TLCD3B: variants seen among roughly 807,000 people sequenced by gnomAD.
TLCD3B encodes TLC domain containing 3B, also known as ceramide synthase.
In TLCD3B, 9 loss-of-function variants were observed where a neutral mutation model predicts 23.0. The ratio of observed to expected loss-of-function variants is 0.39; its 90% CI spans 0.24 to 0.68. The LOEUF (loss-of-function observed/expected upper bound fraction) is 0.68, where lower values mean the gene tolerates loss of function less well. Ranked by LOEUF, TLCD3B falls within the 30% of genes least tolerant of loss-of-function variation. The pLI is 0.44. For synonymous variants in TLCD3B, 161 were observed against 161.0 expected, an observed-to-expected ratio of 1.00 and a Z score of 0.00; for missense variants, 307 against 371.8, an observed-to-expected ratio of 0.83 and a Z score of 1.43.
intron 1 of TLCD3B, among the ~76,000 whole-genome samples, chr16:30,050,074 C>T (rs551840114): frequency 2.0e-5 from 3 of 152,322 alleles, no homozygotes; most frequent in South Asian, 2.1e-4. Context: ...AGGAACAAAA[C>T]ACCAGCACCA....
At chr16:30,051,253 G>A (rs1485540145) in intron 1 of TLCD3B, among the ~76,000 whole-genome samples, 1 of 151,952 alleles carries the variant, frequency 6.6e-6, no homozygotes, top group East Asian at 1.9e-4. Context: ...AAAAAAACAG[G>A]CCAGGCGCAG....
At chr16:30,028,350 G>A (rs2071236878) in intron 2 of TLCD3B, among the ~76,000 whole-genome samples, 1 of 152,132 alleles carries the variant, frequency 6.6e-6, no homozygotes, top group African/African-American at 2.4e-5. Flanking sequence ...GATTAAAGCA[G>A]GGAAGACGGA....
Position 30,036,501 on chromosome 16 carries a change from C to A in TLCD3B, c.-66-287G>T, listed in dbSNP as rs1034602235. 5.4e-5 allele frequency: 57 copies of A among 1,050,810 alleles called. 2 individuals carry two copies. The South Asian group carries it at 8.8e-4, about 16-fold the overall frequency. The allele number at this position is 1,050,810 out of a possible 1,614,324, so 65.1% of individuals were successfully genotyped here. A position where few individuals can be genotyped will look rare whatever the true frequency, so the allele number is the denominator to read the frequency against. On this transcript the variant is annotated intron_variant, in intron 3 of 6. Coordinates refer to the TLCD3B transcript ENST00000561666. ...CTTCCTGAAGTGTCTTCCAAGGGACCTTCTCGGGATAAAAGGAAGGTGTCA... is the reference window on the plus strand; with the variant it reads ...CTTCCTGAAGTGTCTTCCAAGGGACATTCTCGGGATAAAAGGAAGGTGTCA...
chr16:30,031,414 G>A (rs2071357243), upstream of TLCD3B, among the ~76,000 whole-genome samples: 1 of 152,236 alleles, frequency 6.6e-6, no homozygotes, highest in Non-Finnish European at 1.5e-5. Context: ...GGGAGGAAGG[G>A]GGCCCAGGGC....
chr16:30,036,562 T>A (rs138124210), intron 3 of TLCD3B: 3 of 463,546 alleles, frequency 6.5e-6, no homozygotes, highest in African/African-American at 6.2e-5. Context: ...GTAGAGGCAG[T>A]TGGGGAGGGC....
At chr16:30,040,723 A>G (rs1205257300) in intron 3 of TLCD3B, among the ~76,000 whole-genome samples, 1 of 151,634 alleles carries the variant, frequency 6.6e-6, no homozygotes, top group Non-Finnish European at 1.5e-5. Context: ...TGACACAATC[A>G]CAGCTCACTG....
Position 30,025,878 on chromosome 16 carries a change from C to A in TLCD3B, c.445-57G>T, listed in dbSNP as rs2071107447. The A allele has an allele frequency of 7.3e-7, 1 of 1,364,948 alleles. No individual in the cohort carries two copies. The highest frequency in any genetic ancestry group is 1.0e-6 in the Non-Finnish European group (1 of 961,664). 84.6% of individuals were successfully genotyped at this position (1,364,948 alleles called of 1,614,324 possible). ...GGGCTCTCCCTGGGTTCTTGGGCAG[C>A]CCCCGCCCTTCCTCTTTCCCCTCTG... On this transcript the variant is annotated intron_variant, in intron 3 of 4. Transcript: ENST00000380495. The surrounding 1 kb of genome is among the most constrained non-coding windows in gnomAD (Gnocchi z 4.1).
intron 1 of TLCD3B, among the ~76,000 whole-genome samples, chr16:30,051,521 CAAAAA>C (rs199594296): frequency 1.1e-4 from 7 of 62,854 alleles, no homozygotes; most frequent in African/African-American, 2.4e-4. Flanking sequence ...AACTCCGTTT[CAAAAA>C]AAAAAAAAAA....
Position 30,047,646 on chromosome 16 carries a change from C to CT in TLCD3B, c.-293-1260dup, listed in dbSNP as rs568617306. 3.3e-5 allele frequency among the ~76,000 whole-genome samples: 5 copies of CT among 151,510 alleles called. No individual in the cohort carries two copies. In the South Asian group the frequency reaches 1.0e-3, roughly 32 times the overall value. ...CTAATTTTTGTATTTTTTGTAGAGA[C>CT]TGGGTATTCATCATGTTGGCCAGGC... On this transcript the variant is annotated intron_variant, in intron 1 of 6. Coordinates refer to the TLCD3B transcript ENST00000561666.
At chr16:30,045,092 CAAAAAAAAA>C (rs1162281544) in intron 2 of TLCD3B, among the ~76,000 whole-genome samples, 7 of 22,228 alleles carry the variant, frequency 3.1e-4, no homozygotes, top group South Asian at 2.7e-3. Context: ...GACTCCATCT[CAAAAAAAAA>C]AAAAAAAAAA....
intron 2 of TLCD3B, chr16:30,027,520 T>C: frequency 2.2e-6 from 1 of 452,444 alleles, no homozygotes; most frequent in Non-Finnish European, 4.5e-6. Context: ...ACAGACCCTG[T>C]TGGCAAGTGA....
At chr16:30,052,632 G>A (rs866983691) in intron 1 of TLCD3B, 1 of 152,140 alleles carries the variant, frequency 6.6e-6, no homozygotes, top group Middle Eastern at 3.4e-3. Flanking sequence ...GGGAGGCGGA[G>A]GTTGCAGTGA....
intron 2 of TLCD3B, among the ~76,000 whole-genome samples, chr16:30,043,107 A>G (rs1461826231): frequency 6.6e-6 from 1 of 152,164 alleles, no homozygotes; most frequent in Non-Finnish European, 1.5e-5. Context: ...TCCAAAAGAA[A>G]AAAAAAGCAA....
rs1458310011 is a variant in TLCD3B, at chr16:30,025,027, GT to G, written c.*155del. 1.2e-5 allele frequency: 7 copies of G among 568,210 alleles called. No individual in the cohort carries two copies. Among genetic ancestry groups the G allele is most frequent in the Non-Finnish European group, 2.1e-5 (7 of 332,082 alleles). 35.2% of individuals were successfully genotyped at this position (568,210 alleles called of 1,614,324 possible). A position where few individuals can be genotyped will look rare whatever the true frequency, so the allele number is the denominator to read the frequency against. Reference sequence around the variant, plus strand: ...GAGGTCCCCTCTCTCCACCCCCTCAGTCCCCGAGAGATGGGGCCTCTTCCCT... The same window carrying G: ...GAGGTCCCCTCTCTCCACCCCCTCAGCCCCGAGAGATGGGGCCTCTTCCCT... On this transcript the variant is annotated 3_prime_UTR_variant, in exon 5 of 5. Coordinates refer to ENST00000380495, the MANE Select transcript of TLCD3B (RefSeq NM_031478.6). The surrounding 1 kb of genome is among the most constrained non-coding windows in gnomAD (Gnocchi z 4.1).
At chr16:30,032,601 T>G (rs553891622), upstream of TLCD3B, 3 of 151,446 alleles carry the variant, frequency 2.0e-5, no homozygotes, top group African/African-American at 4.8e-5. Context: ...TTACTTGGTA[T>G]CCCTGTTTTA....
At chr16:30,049,417 C>T (rs1459388170) in intron 1 of TLCD3B, among the ~76,000 whole-genome samples, 2 of 152,156 alleles carry the variant, frequency 1.3e-5, no homozygotes, top group African/African-American at 2.4e-5. Flanking sequence ...CTTCTTTCAT[C>T]TTCTGGGAAC....
chr16:30,052,102 C>T (rs976876745), intron 1 of TLCD3B, among the ~76,000 whole-genome samples: 2 of 152,136 alleles, frequency 1.3e-5, no homozygotes, highest in African/African-American at 2.4e-5. Flanking sequence ...CACAGTGGCT[C>T]ATGCCAGTAA....
In TLCD3B at chr16:30,025,753, G is replaced by A. The variant is rs760533030; in HGVS notation, c.513C>T (p.Phe171=). The stretch of plus-strand genomic sequence containing the variant: ...GGATGAGGATCTTGCCAAGGCAGAC[G>A]AAGGGCGTGCTGACCTCTGCCATCA... ...CMLMAEVSTP[F]VCLGKILIQY... is the part of the protein sequence containing the mutation. The change falls in exon 4 of 5, where the codon TTC becomes TTT. Residue 171 remains phenylalanine, a synonymous_variant. Transcript: ENST00000380495. The surrounding 1 kb of genome is among the most constrained non-coding windows in gnomAD (Gnocchi z 4.1). 3 of 1,614,144 alleles carry A rather than the reference G, an allele frequency of 1.9e-6. No individual in the cohort carries two copies. Among genetic ancestry groups the A allele is most frequent in the Non-Finnish European group, 2.5e-6 (3 of 1,180,018 alleles).
chr16:30,033,389 G>T (rs1327491931), upstream of TLCD3B: 2 of 152,244 alleles, frequency 1.3e-5, no homozygotes, highest in African/African-American at 4.8e-5. Context: ...TACAAGGCTG[G>T]TCATGGAACT....
Sources: gnomAD v4.1 joint callset for allele counts (sites outside exome capture counted in the v4.1 genomes callset) on GRCh38, gnomAD v4.1.1 for gene constraint, Gnocchi (gnomAD v3.1) non-coding constraint, MANE v1.5 for transcripts, NCBI Gene and HGNC (gene_info 2026-07-23, HGNC 2026-07-21) for gene names.